The following TESK2 variants were observed in gnomAD, a reference collection of about 807,000 sequenced individuals.
TESK2 encodes the protein testis associated actin remodelling kinase 2.
Under a neutral mutation model 57.1 loss-of-function variants are expected in TESK2, and 39 were observed. The ratio of observed to expected loss-of-function variants is 0.68; its 90% CI spans 0.53 to 0.89. The LOEUF (loss-of-function observed/expected upper bound fraction) is 0.89, where lower values mean the gene tolerates loss of function less well. Among genes scored for constraint, TESK2 ranks in the 40% least tolerant of loss-of-function variants. The pLI is 0.00. For missense variants in TESK2, 646 were observed against 732.1 expected (o/e 0.88, Z 1.36); for synonymous variants, 249 against 267.9 (o/e 0.93, Z 0.69).
rs182347372 is a variant in TESK2, at chr1:45,480,775, G to T, written c.-87+10077C>A. ...GGCCAAGGTGGGTGGATCACCTGAGGTCAGGAGTTCGAGACTAGCCTGACC... is the reference window on the plus strand; with the variant it reads ...GGCCAAGGTGGGTGGATCACCTGAGTTCAGGAGTTCGAGACTAGCCTGACC... On this transcript the variant is annotated intron_variant, in intron 1 of 10. Transcript: ENST00000372086. Among the ~76,000 whole-genome samples, 191 of 150,936 alleles carry T rather than the reference G, an allele frequency of 1.3e-3. 4 individuals carry two copies. The East Asian group carries it at 0.031, about 25-fold the overall frequency.
intron 1 of TESK2, among the ~76,000 whole-genome samples, chr1:45,459,973 A>G (rs558502332): frequency 6.6e-6 from 1 of 152,328 alleles, no homozygotes; most frequent in East Asian, 1.9e-4. Context: ...AGAAAACCAA[A>G]TATCGCATGT....
At chr1:45,437,666 C>CT (rs1483483752) in intron 2 of TESK2, among the ~76,000 whole-genome samples, 2 of 152,134 alleles carry the variant, frequency 1.3e-5, no homozygotes, top group African/African-American at 4.8e-5. Flanking sequence ...TATCAGTATG[C>CT]TATTAGGTGT....
In TESK2 at chr1:45,437,736, T is replaced by C. The variant is rs190999205; in HGVS notation, c.223-15890A>G. On this transcript the variant is annotated intron_variant, in intron 2 of 10. Coordinates refer to ENST00000372086, the MANE Select transcript of TESK2 (RefSeq NM_007170.3). ...TATGTTCTGTCTATGACTAGTTTGT[T>C]GAGAGTTTTTATCATAAAGGGATGT... 2.1e-3 allele frequency among the ~76,000 whole-genome samples: 325 copies of C among 152,344 alleles called. 2 individuals carry two copies. Among genetic ancestry groups the C allele is most frequent in the African/African-American group, 6.9e-3 (286 of 41,580 alleles).
In TESK2 at chr1:45,402,141, G is replaced by GGATCTCCC. The variant is rs1412259694; in HGVS notation, c.345-16182_345-16181insGGGAGATC. On this transcript the variant is annotated intron_variant, in intron 3 of 10. Transcript: ENST00000372086. The stretch of plus-strand genomic sequence containing the variant: ...ACAGTGACTCACACCTGTAATCCCA[G>GGATCTCCC]CACTTTGGGAGATCAAGGTGGGAGG... Among the ~76,000 whole-genome samples, 65 of 150,916 alleles carry GGATCTCCC rather than the reference G, an allele frequency of 4.3e-4. No homozygotes were observed. In the East Asian group the frequency reaches 0.012, roughly 28 times the overall value.
chr1:45,362,851 A>C (rs1015194175), intron 4 of TESK2, among the ~76,000 whole-genome samples: 3 of 152,178 alleles, frequency 2.0e-5, no homozygotes, highest in African/African-American at 7.2e-5. Flanking sequence ...AGTCTAGCCT[A>C]GATGGTCTAG....
At chr1:45,392,758 G>T (rs1189658848) in intron 3 of TESK2, among the ~76,000 whole-genome samples, 3 of 151,798 alleles carry the variant, frequency 2.0e-5, no homozygotes, top group Non-Finnish European at 4.4e-5. Context: ...GCCCAGGCTG[G>T]TCTCAAATTC....
chr1:45,389,778 G>A (rs1383426141), intron 3 of TESK2, among the ~76,000 whole-genome samples: 1 of 152,072 alleles, frequency 6.6e-6, no homozygotes, highest in Non-Finnish European at 1.5e-5. Flanking sequence ...CACCTTAAAA[G>A]GTTGTTATGA....
intron 1 of TESK2, among the ~76,000 whole-genome samples, chr1:45,460,063 T>C (rs1233042950): frequency 6.6e-6 from 1 of 151,560 alleles, no homozygotes; most frequent in Non-Finnish European, 1.5e-5. Context: ...GGCCCCCAAA[T>C]GGGAGACAGG....
intron 1 of TESK2, among the ~76,000 whole-genome samples, chr1:45,482,429 G>T (rs2149308273): frequency 6.6e-6 from 1 of 152,130 alleles, no homozygotes; most frequent in Middle Eastern, 3.4e-3. Context: ...TCAGGAGACT[G>T]AGATGGGAGG....
intron 3 of TESK2, among the ~76,000 whole-genome samples, chr1:45,407,152 T>A (rs1649879126): frequency 6.6e-6 from 1 of 152,152 alleles, no homozygotes; most frequent in South Asian, 2.1e-4. Flanking sequence ...GCGGTGTGAT[T>A]ACAGCTCACT....
intron 3 of TESK2, among the ~76,000 whole-genome samples, chr1:45,386,791 C>A (rs925355546): frequency 2.6e-5 from 4 of 151,990 alleles, no homozygotes; most frequent in African/African-American, 9.7e-5. Flanking sequence ...GTAGCTGGGA[C>A]TACAGGCATG....
intron 1 of TESK2, among the ~76,000 whole-genome samples, chr1:45,470,129 A>T (rs563376573): frequency 6.6e-6 from 1 of 152,352 alleles, no homozygotes; most frequent in South Asian, 2.1e-4. Context: ...ATAATATACC[A>T]ATATCCTCAT....
intron 2 of TESK2, among the ~76,000 whole-genome samples, chr1:45,445,930 TCTTTG>T (rs1259950093): frequency 1.3e-5 from 2 of 152,168 alleles, no homozygotes; most frequent in African/African-American, 4.8e-5. Flanking sequence ...TTTACTCAGC[TCTTTG>T]CAAGTATATT....
chr1:45,353,033 G>C (rs1233299253), intron 5 of TESK2, among the ~76,000 whole-genome samples: 1 of 152,040 alleles, frequency 6.6e-6, no homozygotes, highest in Non-Finnish European at 1.5e-5. Flanking sequence ...CGAGTAGCTG[G>C]GATTACAGGC....
At chr1:45,412,639 T>C (rs138878205) in intron 3 of TESK2, among the ~76,000 whole-genome samples, 2 of 152,192 alleles carry the variant, frequency 1.3e-5, no homozygotes, top group East Asian at 3.8e-4. Context: ...ATTGAAGGCA[T>C]AGTCTTCAAT....
At chr1:45,381,221 A>G (rs1275255904) in intron 4 of TESK2, among the ~76,000 whole-genome samples, 2 of 152,200 alleles carry the variant, frequency 1.3e-5, no homozygotes, top group Non-Finnish European at 2.9e-5. Context: ...GAAAACACAA[A>G]TACTTATGAT....
At chr1:45,417,819 C>T (rs1570708740) in intron 3 of TESK2, among the ~76,000 whole-genome samples, 1 of 151,984 alleles carries the variant, frequency 6.6e-6, no homozygotes, top group Non-Finnish European at 1.5e-5. Context: ...TCTCGATCTC[C>T]TGACCTCGTG....
intron 2 of TESK2, among the ~76,000 whole-genome samples, chr1:45,437,320 T>C (rs1467481660): frequency 6.6e-6 from 1 of 152,210 alleles, no homozygotes; most frequent in Non-Finnish European, 1.5e-5. Flanking sequence ...TTTTTGTAGC[T>C]GTACTGTAAT....
chr1:45,436,757 G>A (rs1388842655), intron 2 of TESK2, among the ~76,000 whole-genome samples: 1 of 151,346 alleles, frequency 6.6e-6, no homozygotes, highest in African/African-American at 2.4e-5. Flanking sequence ...CAAAGTGCTG[G>A]GATTACAGGC....
Sources: allele counts gnomAD v4.1 joint callset (sites outside exome capture counted in the v4.1 genomes callset), GRCh38; gene constraint gnomAD v4.1.1; transcripts MANE v1.5; gene names NCBI Gene and HGNC (gene_info 2026-07-23, HGNC 2026-07-21).